Variants in KATNAL2 observed in about 807,000 individuals in gnomAD.
KATNAL2 encodes katanin p60 ATPase-containing subunit A-like 2.
Under a neutral mutation model 76.3 loss-of-function variants are expected in KATNAL2, and 52 were observed. The observed-to-expected ratio is 0.68, with a 90% CI of 0.55 to 0.86. The LOEUF is 0.86. Ranked by LOEUF, KATNAL2 falls within the 40% of genes least tolerant of loss-of-function variation. KATNAL2 has a pLI of 0.00. For synonymous variants in KATNAL2, 243 were observed against 244.2 expected, an observed-to-expected ratio of 1.00 and a Z score of 0.05; for missense variants, 660 against 668.9, an observed-to-expected ratio of 0.99 and a Z score of 0.15.
At chr18:46,920,462 C>T (rs1472862085) in intron 1 of KATNAL2, among the ~76,000 whole-genome samples, 1 of 152,172 alleles carries the variant, frequency 6.6e-6, no homozygotes, top group Non-Finnish European at 1.5e-5. Context: ...CACAAAATCT[C>T]AGCATTGACT....
intron 3 of KATNAL2, among the ~76,000 whole-genome samples, chr18:47,041,391 T>C (rs2060959107): frequency 6.6e-6 from 1 of 152,214 alleles, no homozygotes. Context: ...GGCAATCACT[T>C]ATCCTTTTAC....
intron 15 of KATNAL2, among the ~76,000 whole-genome samples, chr18:47,096,787 C>A (rs2069708903): frequency 6.6e-6 from 1 of 152,112 alleles, no homozygotes; most frequent in South Asian, 2.1e-4. Context: ...AGGGAAAGCT[C>A]TGCTTTACAT....
At chr18:46,951,334 C>T (rs2059546953) in intron 3 of KATNAL2, among the ~76,000 whole-genome samples, 2 of 151,892 alleles carry the variant, frequency 1.3e-5, no homozygotes, top group African/African-American at 4.8e-5. Context: ...TTTGATACCA[C>T]TTCCTTCCTA....
rs200986735 is a variant in KATNAL2 at position 47,034,771 on chromosome 18, G to A, written c.52-11686G>A. On this transcript the variant is annotated intron_variant, in intron 3 of 17. Transcript: ENST00000683218. ...CGTTGGAGAGGCCCGATAGCGGCCG[G>A]AATCAGCTGGGGCTATTCTGGGGCA... The A allele has an allele frequency of 2.1e-5, 34 of 1,612,510 alleles. No homozygotes were observed. Among genetic ancestry groups the A allele is most frequent in the Non-Finnish European group, 2.6e-5 (31 of 1,179,728 alleles).
At chr18:47,051,139 G>T (rs890294545) in intron 4 of KATNAL2, among the ~76,000 whole-genome samples, 2 of 152,134 alleles carry the variant, frequency 1.3e-5, no homozygotes, top group Non-Finnish European at 2.9e-5. Flanking sequence ...TCGCTCTGTT[G>T]GTTAAGAATC....
chr18:47,035,076 G>A (rs775148920), intron 3 of KATNAL2: 3 of 1,611,256 alleles, frequency 1.9e-6, no homozygotes, highest in South Asian at 2.2e-5. Context: ...TGGCAAAGTC[G>A]CCCACGTGCT....
intron 3 of KATNAL2, among the ~76,000 whole-genome samples, chr18:46,956,902 G>C (rs377139152): frequency 3.3e-5 from 5 of 151,978 alleles, no homozygotes; most frequent in Non-Finnish European, 5.9e-5. Flanking sequence ...AATTAGCCAG[G>C]CGTGGTGGCA....
At chr18:47,072,685 C>T (rs546146495) in intron 13 of KATNAL2, among the ~76,000 whole-genome samples, 6 of 151,938 alleles carry the variant, frequency 3.9e-5, no homozygotes, top group African/African-American at 1.2e-4. Context: ...GCAATCCTCC[C>T]GCCTTGGGCT....
chr18:47,032,554 A>C, intron 3 of KATNAL2: 1 of 211,098 alleles, frequency 4.7e-6, no homozygotes, highest in Non-Finnish European at 9.5e-6. Flanking sequence ...GCCTTTTATT[A>C]AAACAACAAC....
intron 3 of KATNAL2, among the ~76,000 whole-genome samples, chr18:46,952,845 CT>C (rs1319968734): frequency 6.6e-6 from 1 of 150,584 alleles, no homozygotes; most frequent in Non-Finnish European, 1.5e-5. Flanking sequence ...TCCTTCCTCC[CT>C]TCTCTTTGTT....
intron 15 of KATNAL2, among the ~76,000 whole-genome samples, chr18:47,082,615 C>T (rs2062581811): frequency 6.6e-6 from 1 of 152,160 alleles, no homozygotes; most frequent in Non-Finnish European, 1.5e-5. Context: ...TAAAGTTCTT[C>T]CTTGCTCCCT....
At chr18:47,032,568 G>A (rs1332543340) in intron 3 of KATNAL2, 4 of 209,156 alleles carry the variant, frequency 1.9e-5, no homozygotes, top group Non-Finnish European at 3.8e-5. Flanking sequence ...CAACAACAAC[G>A]GCAGCAACAG....
At chr18:47,034,946 C>T (rs772917421) in intron 3 of KATNAL2, 3 of 1,609,016 alleles carry the variant, frequency 1.9e-6, no homozygotes, top group South Asian at 2.2e-5. Context: ...CAGGCCTTTT[C>T]CTGGTCCTGA....
At position 47,075,268 on chromosome 18, in the gene KATNAL2, C is replaced by T. The variant is rs1449037382; in HGVS notation, c.1009-9C>T. The T allele has an allele frequency of 6.5e-7, 1 of 1,539,694 alleles. No homozygotes were observed. Among genetic ancestry groups the T allele is most frequent in the Non-Finnish European group, 8.7e-7 (1 of 1,151,916 alleles). On this transcript the variant is annotated splice_polypyrimidine_tract_variant and intron_variant, in intron 13 of 17. Coordinates refer to ENST00000683218, the MANE Select transcript of KATNAL2 (RefSeq NM_001387690.1). ...AGCTTGAACACTTGCTTGCTTTTCC[C>T]CCACCCAGGTGTTATTTGAGCTTGC...
chr18:46,965,584 C>T (rs1599506860), intron 3 of KATNAL2, among the ~76,000 whole-genome samples: 2 of 86,288 alleles, frequency 2.3e-5, no homozygotes, highest in Non-Finnish European at 5.0e-5. Flanking sequence ...CATCCCCGCC[C>T]CCCCCCCCCC....
At chr18:47,071,274 A>T (rs1237634012) in intron 13 of KATNAL2, among the ~76,000 whole-genome samples, 4 of 152,178 alleles carry the variant, frequency 2.6e-5, no homozygotes, top group South Asian at 2.1e-4. Context: ...TGCTGGGATT[A>T]CAGGCATGAG....
intron 1 of KATNAL2, chr18:46,920,163 G>A (rs1332205114): frequency 1.0e-6 from 1 of 978,258 alleles, no homozygotes; most frequent in African/African-American, 1.7e-5. Flanking sequence ...AGAGTTCTAG[G>A]TGCTGCCCTA....
At chr18:46,959,392 C>A (rs2059863693) in intron 3 of KATNAL2, among the ~76,000 whole-genome samples, 1 of 151,990 alleles carries the variant, frequency 6.6e-6, no homozygotes, top group South Asian at 2.1e-4. Flanking sequence ...ATACTTGGAC[C>A]AAAAAGGAGA....
At chr18:46,955,140 C>CTCTTTCTT (rs71162828) in intron 3 of KATNAL2, among the ~76,000 whole-genome samples, 6,585 of 85,004 alleles carry the variant, frequency 0.077, 356 homozygotes, top group East Asian at 0.16. Context: ...CTTTCTCTCT[C>CTCTTTCTT]TCTTTCTTTC....
Sources: allele counts gnomAD v4.1 joint callset (sites outside exome capture counted in the v4.1 genomes callset), GRCh38; gene constraint gnomAD v4.1.1; transcripts MANE v1.5; gene names NCBI Gene and HGNC (gene_info 2026-07-23, HGNC 2026-07-21).